RAD51B: variants seen among roughly 807,000 people sequenced by gnomAD.
RAD51B encodes RAD51 paralog B, also known as DNA repair protein RAD51 homolog 2.
A neutral mutation model predicts 42.2 loss-of-function variants in RAD51B; 38 were observed. The observed-to-expected ratio is 0.90, with a 90% CI of 0.70 to 1.18. RAD51B has a LOEUF of 1.18. Ranked by LOEUF, RAD51B falls within the 50% of genes most tolerant of loss-of-function variation. RAD51B has a pLI of 0.00. For missense variants in RAD51B, 373 were observed against 400.7 expected, an observed-to-expected ratio of 0.93 and a Z score of 0.59; for synonymous variants, 154 against 145.2, an observed-to-expected ratio of 1.06 and a Z score of -0.43.
intron 2 of RAD51B, among the ~76,000 whole-genome samples, chr14:67,825,078 CAAAAAAAAAAAA>C (rs56227529): frequency 5.9e-5 from 3 of 50,534 alleles, no homozygotes; most frequent in East Asian, 5.8e-4. Flanking sequence ...ACTCTTGTCT[CAAAAAAAAAAAA>C]AAAAAAAAAA....
chr14:67,873,823 T>C lies in RAD51B; in HGVS notation c.452+8684T>C, dbSNP rs1364316604. Among the ~76,000 whole-genome samples the C allele has an allele frequency of 6.2e-5, 9 of 144,856 alleles. No homozygotes were observed. The Admixed American group carries it at 6.3e-4, about 10-fold the overall frequency. Reference sequence around the variant, plus strand: ...TGAAATTGGAAATCATCATTCTCAGTAAACTATCACAAGAACAAAAAACCA... The same window carrying C: ...TGAAATTGGAAATCATCATTCTCAGCAAACTATCACAAGAACAAAAAACCA... On this transcript the variant is annotated intron_variant, in intron 5 of 10. Transcript: ENST00000471583.
chr14:68,517,001 G>T (rs1886201593), intron 10 of RAD51B, among the ~76,000 whole-genome samples: 1 of 152,114 alleles, frequency 6.6e-6, no homozygotes. Flanking sequence ...AGCTCAGTTT[G>T]TTCATTTTTG....
intron 4 of RAD51B, among the ~76,000 whole-genome samples, chr14:67,845,325 G>T (rs2041575542): frequency 6.6e-6 from 1 of 152,162 alleles, no homozygotes; most frequent in Non-Finnish European, 1.5e-5. Context: ...GCATTTGTTT[G>T]TCTGAAAAGG....
At chr14:67,909,291 A>G (rs910262014) in intron 7 of RAD51B, among the ~76,000 whole-genome samples, 1 of 152,186 alleles carries the variant, frequency 6.6e-6, no homozygotes, top group African/African-American at 2.4e-5. Flanking sequence ...GTTATAACAA[A>G]TGAAAAGTGG....
chr14:68,652,299 T>A (rs910109130), intron 11 of RAD51B, among the ~76,000 whole-genome samples: 12 of 152,234 alleles, frequency 7.9e-5, no homozygotes, highest in Non-Finnish European at 1.5e-4. Context: ...TTGCTCTTGC[T>A]GTCCTTTCTC....
chr14:68,564,019 C>T (rs1271913289), intron 10 of RAD51B: 1 of 843,686 alleles, frequency 1.2e-6, no homozygotes, highest in Non-Finnish European at 1.4e-6. Flanking sequence ...AAACCTGTTT[C>T]GGAACAGCTG....
chr14:68,363,760 T>G (rs1186330245), intron 8 of RAD51B, among the ~76,000 whole-genome samples: 2 of 151,988 alleles, frequency 1.3e-5, no homozygotes, highest in Non-Finnish European at 2.9e-5. Flanking sequence ...TGCACACGCG[T>G]GTGTGGGTGC....
At chr14:68,365,239 A>G (rs1329285503) in intron 8 of RAD51B, among the ~76,000 whole-genome samples, 12 of 152,238 alleles carry the variant, frequency 7.9e-5, no homozygotes, top group Non-Finnish European at 1.5e-5. Flanking sequence ...GCCTGTAAGT[A>G]GAATAAAGAG....
At chr14:68,274,046 C>T (rs1335697288) in intron 7 of RAD51B, among the ~76,000 whole-genome samples, 4 of 152,244 alleles carry the variant, frequency 2.6e-5, no homozygotes, top group East Asian at 1.9e-4. Flanking sequence ...TCTTATGCTT[C>T]GGGAGCAGCC....
intron 8 of RAD51B, among the ~76,000 whole-genome samples, chr14:68,323,968 G>A (rs1001678054): frequency 4.6e-5 from 7 of 152,194 alleles, no homozygotes; most frequent in African/African-American, 1.7e-4. Flanking sequence ...GCATACCATT[G>A]TGAGTCCTTA....
At chr14:68,064,847 A>G (rs1175679551) in intron 7 of RAD51B, among the ~76,000 whole-genome samples, 2 of 152,154 alleles carry the variant, frequency 1.3e-5, no homozygotes, top group Non-Finnish European at 2.9e-5. Context: ...CTATCCCTGC[A>G]TTGAATTTCT....
chr14:68,250,602 A>C (rs1205971667), intron 7 of RAD51B, among the ~76,000 whole-genome samples: 1 of 152,348 alleles, frequency 6.6e-6, no homozygotes, highest in South Asian at 2.1e-4. Flanking sequence ...AAAAAGAAGC[A>C]TATCCAAAAT....
At chr14:68,239,366 A>G (rs2140998625) in intron 7 of RAD51B, among the ~76,000 whole-genome samples, 1 of 152,278 alleles carries the variant, frequency 6.6e-6, no homozygotes, top group South Asian at 2.1e-4. Context: ...AAGTCAGCCC[A>G]AGAACACTTA....
At chr14:67,936,208 C>G (rs897811013) in intron 7 of RAD51B, among the ~76,000 whole-genome samples, 1 of 152,076 alleles carries the variant, frequency 6.6e-6, no homozygotes, top group African/African-American at 2.4e-5. Context: ...ATTTCACCAC[C>G]CCAAGAAGAA....
At chr14:68,606,378 C>T (rs139955890) in intron 10 of RAD51B, among the ~76,000 whole-genome samples, 15 of 152,302 alleles carry the variant, frequency 9.8e-5, no homozygotes, top group African/African-American at 3.4e-4. Flanking sequence ...TCTGCAGAAC[C>T]GGAAACAGAT....
At chr14:68,272,596 G>T (rs868611350) in intron 7 of RAD51B, among the ~76,000 whole-genome samples, 1 of 107,482 alleles carries the variant, frequency 9.3e-6, no homozygotes, top group African/African-American at 3.7e-5. Flanking sequence ...ATAAAAAATT[G>T]AAATGTTCTA....
At chr14:68,206,312 G>A (rs1236653490) in intron 7 of RAD51B, among the ~76,000 whole-genome samples, 3 of 152,110 alleles carry the variant, frequency 2.0e-5, no homozygotes, top group African/African-American at 2.4e-5. Context: ...TTTCCTTTGT[G>A]TAGGTACTGT....
intron 9 of RAD51B, among the ~76,000 whole-genome samples, chr14:68,429,771 T>C (rs140226449): frequency 0.035 from 5,364 of 152,338 alleles, 126 homozygotes; most frequent in African/African-American, 0.068. Context: ...CATTTGTCAA[T>C]TTTGGCTTTT....
chr14:68,291,617 T>G (rs1454994623), intron 7 of RAD51B, among the ~76,000 whole-genome samples: 1 of 152,238 alleles, frequency 6.6e-6, no homozygotes, highest in East Asian at 1.9e-4. Context: ...TTACTCAGCA[T>G]TTAGAATGAA....
Sources: allele counts gnomAD v4.1 joint callset (sites outside exome capture counted in the v4.1 genomes callset), GRCh38; gene constraint gnomAD v4.1.1; transcripts MANE v1.5; gene names NCBI Gene and HGNC (gene_info 2026-07-23, HGNC 2026-07-21).